The following GRM5 variants were observed in gnomAD, a reference collection of about 807,000 sequenced individuals.
The protein encoded by GRM5 is glutamate metabotropic receptor 5.
A neutral mutation model predicts 83.1 loss-of-function variants in GRM5; 19 were observed. The ratio of observed to expected loss-of-function variants is 0.23; its 90% CI spans 0.16 to 0.34. The LOEUF (loss-of-function observed/expected upper bound fraction) is 0.34, where lower values mean the gene tolerates loss of function less well. Ranked by LOEUF, GRM5 falls within the 10% of genes least tolerant of loss-of-function variation. The pLI is 1.00. For synonymous variants in GRM5, 675 were observed against 633.6 expected, an observed-to-expected ratio of 1.07 and a Z score of -0.98; for missense variants, 1,160 against 1,588.3, an observed-to-expected ratio of 0.73 and a Z score of 4.58.
At chr11:88,652,231 C>T (rs1939649937) in intron 4 of GRM5, among the ~76,000 whole-genome samples, 1 of 151,876 alleles carries the variant, frequency 6.6e-6, no homozygotes. Context: ...TTGCATTTTC[C>T]TGCAATGCAA....
At chr11:88,720,817 TGTGC>T (rs72486895) in intron 3 of GRM5, among the ~76,000 whole-genome samples, 55,839 of 130,396 alleles carry the variant, frequency 0.43, 12,523 homozygotes, top group Non-Finnish European at 0.52. Flanking sequence ...TGTGTGTGTG[TGTGC>T]GTGTGTGTGT....
At chr11:88,539,908 A>AGGG (rs1204713922) in intron 8 of GRM5, among the ~76,000 whole-genome samples, 1 of 152,214 alleles carries the variant, frequency 6.6e-6, no homozygotes, top group Non-Finnish European at 1.5e-5. Flanking sequence ...ATTATTAACA[A>AGGG]ATTATAATTA....
chr11:88,642,850 C>A (rs1366022319), intron 4 of GRM5, among the ~76,000 whole-genome samples: 1 of 152,152 alleles, frequency 6.6e-6, no homozygotes, highest in Non-Finnish European at 1.5e-5. Context: ...GTCCGTATCA[C>A]TATCATCATT....
Position 89,047,935 on chromosome 11 carries a change from T to C in GRM5, c.-63A>G, listed in dbSNP as rs199534054. 1.3e-5 allele frequency: 16 copies of C among 1,269,778 alleles called. No individual in the cohort carries two copies. The highest frequency in any genetic ancestry group is 2.9e-5 in the African/African-American group (2 of 68,014). The allele number at this position is 1,269,778 out of a possible 1,614,324, so 78.7% of individuals were successfully genotyped here. A position where few individuals can be genotyped will look rare whatever the true frequency, so the allele number is the denominator to read the frequency against. On this transcript the variant is annotated 5_prime_UTR_variant, in exon 2 of 10. Transcript: ENST00000305447. This position sits in a 1 kb window ranked among gnomAD's most constrained non-coding sequence, Gnocchi z 5.1. The stretch of plus-strand genomic sequence containing the variant: ...TGGGGAAAATTCAGGAGGGTTCTGA[T>C]AGCTACGAACAAGCGATGTCCTACG...
intron 3 of GRM5, among the ~76,000 whole-genome samples, chr11:88,729,618 T>TACAAGCTATACTACAA (rs1941761964): frequency 6.6e-6 from 1 of 152,282 alleles, no homozygotes; most frequent in South Asian, 2.1e-4. Flanking sequence ...GCTACCTGAC[T>TACAAGCTATACTACAA]ACAAGCTATA....
At chr11:89,025,224 T>C (rs1210246798) in intron 2 of GRM5, among the ~76,000 whole-genome samples, 1 of 152,196 alleles carries the variant, frequency 6.6e-6, no homozygotes, top group Non-Finnish European at 1.5e-5. Context: ...GAAGCAACCT[T>C]AACTCTGTTC....
intron 2 of GRM5, among the ~76,000 whole-genome samples, chr11:88,978,161 T>C (rs1212811521): frequency 1.3e-5 from 2 of 152,200 alleles, no homozygotes; most frequent in Non-Finnish European, 2.9e-5. Flanking sequence ...ATATAGTGCC[T>C]GTAGTTAATG....
chr11:89,044,355 C>A (rs996150106), intron 2 of GRM5, among the ~76,000 whole-genome samples: 2 of 151,988 alleles, frequency 1.3e-5, no homozygotes, highest in African/African-American at 4.8e-5. Context: ...TGTAATAGAA[C>A]AAGCCACAGT....
Position 89,047,636 on chromosome 11 carries a change from G to T in GRM5, c.237C>A (p.Ile79=), listed in dbSNP as rs200475746. Residue 79 remains isoleucine, a synonymous_variant, in exon 2 of 10, where the codon ATC becomes ATA. Transcript: ENST00000305447. The surrounding 1 kb of genome is among the most constrained non-coding windows in gnomAD (Gnocchi z 5.1). ...VEAMLHTLER[I]NSDPTLLPNI... ...TGGGCAAGAGTGTGGGGTCTGAATTGATCCTTTCCAGGGTATGCAGCATGG... is the reference window on the plus strand; with the variant it reads ...TGGGCAAGAGTGTGGGGTCTGAATTTATCCTTTCCAGGGTATGCAGCATGG... 4.3e-6 allele frequency: 7 copies of T among 1,613,904 alleles called. No individual in the cohort carries two copies. In the African/African-American group the frequency reaches 9.3e-5, roughly 22 times the overall value.
intron 8 of GRM5, among the ~76,000 whole-genome samples, chr11:88,566,807 C>T (rs1032219391): frequency 1.3e-5 from 2 of 152,140 alleles, no homozygotes; most frequent in African/African-American, 4.8e-5. Flanking sequence ...AACCTCACTC[C>T]CCCTACGCTG....
intron 2 of GRM5, among the ~76,000 whole-genome samples, chr11:88,937,660 C>A (rs191328746): frequency 6.6e-6 from 1 of 151,792 alleles, no homozygotes; most frequent in East Asian, 1.9e-4. Context: ...ATGTCTTTTT[C>A]AAGAGAGTCC....
chr11:88,604,941 G>A lies in GRM5; in HGVS notation c.1171C>T (p.His391Tyr), dbSNP rs139968516. The part of the protein sequence containing the change: ...CNSSLTLKTH[H>Y]VQDSKMGFVI... ...AATCCCATTTTGGAATCCTGAACAT[G>A]ATGTGTTTTCAGAGTCAGAGAACCT... Residue 391 changes from histidine (H) to tyrosine (Y), a missense_variant, in exon 5 of 10, where the codon CAT becomes TAT. Physicochemically the swap from His to Tyr is moderately conservative, Grantham distance 83. Transcript: ENST00000305447. The A allele has an allele frequency of 1.9e-6, 3 of 1,612,632 alleles. No homozygotes were observed. Among genetic ancestry groups the A allele is most frequent in the Non-Finnish European group, 8.5e-7 (1 of 1,178,766 alleles).
At chr11:89,057,947 T>C (rs1941911832) in intron 1 of GRM5, among the ~76,000 whole-genome samples, 1 of 152,122 alleles carries the variant, frequency 6.6e-6, no homozygotes, top group Non-Finnish European at 1.5e-5. Context: ...TTACTACCTC[T>C]AGAAATCGAA....
intron 3 of GRM5, among the ~76,000 whole-genome samples, chr11:88,748,633 C>A (rs1039706259): frequency 1.3e-5 from 2 of 152,278 alleles, no homozygotes; most frequent in Admixed American, 6.5e-5. Flanking sequence ...TCCCGTTCCT[C>A]CTGACTGAAT....
intron 3 of GRM5, among the ~76,000 whole-genome samples, chr11:88,728,101 A>G (rs556163350): frequency 6.6e-6 from 1 of 152,152 alleles, no homozygotes. Flanking sequence ...TGGTTTTTTG[A>G]AAAGATTAAC....
Position 88,504,673 on chromosome 11 carries a change from T to A in GRM5, c.*3919A>T, listed in dbSNP as rs1023689297. 5.3e-5 allele frequency: 8 copies of A among 152,116 alleles called. No homozygotes were observed. The highest frequency in any genetic ancestry group is 1.2e-4 in the Non-Finnish European group (8 of 67,974). The allele number at this position is 152,116 out of a possible 1,614,324, so 9.4% of individuals were successfully genotyped here. Reference sequence around the variant, plus strand: ...CAACTGAGAAACAGGCAAGTATATTTTGAAGTGCTAAAATAAAACATATTT... The same window carrying A: ...CAACTGAGAAACAGGCAAGTATATTATGAAGTGCTAAAATAAAACATATTT... On this transcript the variant is annotated 3_prime_UTR_variant, in exon 10 of 10. Coordinates refer to ENST00000305447, the MANE Select transcript of GRM5 (RefSeq NM_001143831.3).
chr11:88,545,180 G>A (rs1942359888), intron 8 of GRM5, among the ~76,000 whole-genome samples: 2 of 152,012 alleles, frequency 1.3e-5, no homozygotes, highest in South Asian at 4.2e-4. Context: ...CTTGTATCTG[G>A]GTCTCAGTTC....
At chr11:89,003,987 A>C (rs1165581155) in intron 2 of GRM5, among the ~76,000 whole-genome samples, 1 of 152,226 alleles carries the variant, frequency 6.6e-6, no homozygotes, top group African/African-American at 2.4e-5. Flanking sequence ...AAGCTGAATA[A>C]GGTCGGAGTG....
At chr11:88,582,070 C>A (rs1943221990) in intron 7 of GRM5, among the ~76,000 whole-genome samples, 1 of 152,114 alleles carries the variant, frequency 6.6e-6, no homozygotes, top group African/African-American at 2.4e-5. Context: ...CCTCTCCTCT[C>A]TTTTATTCCT....
Sources: allele counts gnomAD v4.1 joint callset (sites outside exome capture counted in the v4.1 genomes callset), GRCh38; gene constraint gnomAD v4.1.1; non-coding constraint Gnocchi (gnomAD v3.1); transcripts MANE v1.5; gene names NCBI Gene and HGNC (gene_info 2026-07-23, HGNC 2026-07-21).